Variants in CFAP47 observed in about 807,000 individuals in gnomAD.
CFAP47 encodes cilia- and flagella-associated protein 47.
Under a neutral mutation model 148.1 loss-of-function variants are expected in CFAP47, and 29 were observed. That is an observed-to-expected ratio of 0.20 (90% confidence interval 0.15 to 0.27). CFAP47 has a LOEUF of 0.27. CFAP47 is among the 10% of genes least tolerant of loss of function. CFAP47 has a pLI of 1.00. For missense variants in CFAP47, 1,872 were observed against 1,697.5 expected, an observed-to-expected ratio of 1.10 and a Z score of -1.81; for synonymous variants, 664 against 577.3, an observed-to-expected ratio of 1.15 and a Z score of -2.15.
At chrX:36,165,122 G>A (rs916306317) in intron 39 of CFAP47, among the ~76,000 whole-genome samples, 2 of 111,801 alleles carry the variant, frequency 1.8e-5, no homozygotes, top group Admixed American at 1.9e-4. Flanking sequence ...ACAGATGCAA[G>A]ACTTCCTCTT....
At chrX:36,325,565 A>C (rs1941511377) in intron 57 of CFAP47, among the ~76,000 whole-genome samples, 1 of 111,671 alleles carries the variant, frequency 9.0e-6, no homozygotes, top group Admixed American at 9.5e-5. Context: ...TGTATTAGGG[A>C]GTGCTCTGAG....
chrX:35,995,485 G>A (rs1234924513), intron 18 of CFAP47, among the ~76,000 whole-genome samples: 1 of 111,423 alleles, frequency 9.0e-6, no homozygotes, highest in Non-Finnish European at 1.9e-5. Context: ...AGAGGTCCAG[G>A]CAAGAGAAAC....
Position 36,032,288 on chromosome X carries a change from G to A in CFAP47, c.3651+941G>A, listed in dbSNP as rs182072812. Reference sequence around the variant, plus strand: ...GCATTCTCTCTTTTGAGGAGAAAGAGGGACATTGGCCCCATGGAGAAAAAA... The same window carrying A: ...GCATTCTCTCTTTTGAGGAGAAAGAAGGACATTGGCCCCATGGAGAAAAAA... On this transcript the variant is annotated intron_variant, in intron 23 of 63. Coordinates refer to ENST00000378653, the MANE Select transcript of CFAP47 (RefSeq NM_001304548.2). Among the ~76,000 whole-genome samples the A allele has an allele frequency of 2.5e-4, 28 of 109,894 alleles. No individual in the cohort carries two copies. In the East Asian group the frequency reaches 7.7e-3, roughly 30 times the overall value.
rs1941324039 is a variant in CFAP47 at position 36,303,929 on chromosome X, A to G, written c.8051A>G (p.Asn2684Ser). ...CAAGTAACAAACAGTAATCCTGAAA[A>G]TTTTGTCCTGGATATTAACAGAAAA... Reference protein sequence around the residue: ...KLQVTNSNPENFVLDINRKSQ... With the variant: ...KLQVTNSNPESFVLDINRKSQ... The change falls in exon 54 of 64, where the codon AAT becomes AGT. Residue 2684 changes from asparagine to serine, a missense_variant. Physicochemically the swap from Asn to Ser is conservative, Grantham distance 46. Coordinates refer to ENST00000378653, the MANE Select transcript of CFAP47 (RefSeq NM_001304548.2). 1 of 1,123,874 alleles carries G rather than the reference A, an allele frequency of 8.9e-7. No homozygotes were observed. The highest frequency in any genetic ancestry group is 1.8e-5 in the African/African-American group (1 of 54,408). 92.6% of individuals were successfully genotyped at this position (1,123,874 alleles called of 1,213,427 possible).
At chrX:36,363,463 C>T (rs782105154) in intron 61 of CFAP47, among the ~76,000 whole-genome samples, 2 of 111,347 alleles carry the variant, frequency 1.8e-5, no homozygotes, top group East Asian at 2.8e-4. Flanking sequence ...AGTAAACATA[C>T]AGTATTATAA....
Position 36,065,699 on chromosome X carries a change from A to G in CFAP47, c.4274A>G (p.Tyr1425Cys), listed in dbSNP as rs908330301. ...AENCILTIYP[Y>C]MAIHLDKQNI... ...AACTGCATTCTTACTATTTACCCAT[A>G]TATGGCAATTCATCTGGATAAGCAA... The change falls in exon 27 of 64, where the codon TAT becomes TGT. Residue 1425 changes from tyrosine to cysteine, a missense_variant. Physicochemically the swap from Tyr to Cys is radical, Grantham distance 194. Transcript: ENST00000378653. 5.0e-6 allele frequency: 6 copies of G among 1,193,835 alleles called. No individual in the cohort carries two copies. The African/African-American group carries it at 8.8e-5, about 17-fold the overall frequency.
intron 51 of CFAP47, among the ~76,000 whole-genome samples, chrX:36,287,152 A>C (rs1411163975): frequency 8.9e-6 from 1 of 112,157 alleles, no homozygotes; most frequent in Admixed American, 9.4e-5. Flanking sequence ...ATCTCTTTGA[A>C]TGAGAAATTT....
rs1162429176 is a variant in CFAP47 at position 36,010,489 on chromosome X, G to A, written c.3418-4285G>A. On this transcript the variant is annotated intron_variant, in intron 21 of 63. Transcript: ENST00000378653. ...TTTTTTTTTTTTGAGATGGAGTCTC[G>A]CTCTGTTGCCCAGGCTGGAGTGCAG... 2.9e-5 allele frequency among the ~76,000 whole-genome samples: 3 copies of A among 102,653 alleles called. No individual in the cohort carries two copies. In the East Asian group the frequency reaches 9.3e-4, roughly 32 times the overall value. The allele number at this position is 102,653 out of a possible 115,157, so 89.1% of individuals were successfully genotyped here. A position where few individuals can be genotyped will look rare whatever the true frequency, so the allele number is the denominator to read the frequency against.
intron 25 of CFAP47, among the ~76,000 whole-genome samples, chrX:36,041,242 A>C (rs1937400450): frequency 9.0e-6 from 1 of 111,373 alleles, no homozygotes; most frequent in Non-Finnish European, 1.9e-5. Context: ...AGTGAAGTTG[A>C]CAAGGAACAA....
At chrX:36,349,450 G>A (rs888930030) in intron 58 of CFAP47, among the ~76,000 whole-genome samples, 3 of 110,630 alleles carry the variant, frequency 2.7e-5, no homozygotes, top group Non-Finnish European at 3.8e-5. Context: ...TTTAGTAGAG[G>A]TGGGTTTTCA....
At position 36,220,792 on chromosome X, in the gene CFAP47, A is replaced by G. The variant is rs190773641; in HGVS notation, c.6818-7836A>G. Among the ~76,000 whole-genome samples the G allele has an allele frequency of 3.6e-5, 4 of 111,860 alleles. No individual in the cohort carries two copies. In the East Asian group the frequency reaches 1.1e-3, roughly 32 times the overall value. ...TAGATAGATAGGTCATAGTGAAACC[A>G]TAGAATGGCAAAGATAAGAGAAATT... On this transcript the variant is annotated intron_variant, in intron 45 of 63. Transcript: ENST00000378653.
intron 57 of CFAP47, among the ~76,000 whole-genome samples, chrX:36,322,175 A>G (rs143475332): frequency 0.016 from 1,820 of 111,196 alleles, 35 homozygotes; most frequent in African/African-American, 0.056. Context: ...TCATATATAT[A>G]CTTTTCCCTG....
intron 36 of CFAP47, among the ~76,000 whole-genome samples, chrX:36,147,029 C>T (rs1274976225): frequency 1.8e-5 from 2 of 110,621 alleles, no homozygotes; most frequent in Admixed American, 9.6e-5. Context: ...GTGATCCACC[C>T]GCCTCGGCCT....
intron 60 of CFAP47, among the ~76,000 whole-genome samples, chrX:36,360,874 T>A (rs1453360829): frequency 8.9e-6 from 1 of 112,308 alleles, no homozygotes; most frequent in Non-Finnish European, 1.9e-5. Flanking sequence ...TTGAAAATCC[T>A]GATCTAATAG....
At position 36,196,756 on chromosome X, in the gene CFAP47, T is replaced by C. The variant is rs781999192; in HGVS notation, c.6322-3623T>C. Among the ~76,000 whole-genome samples, 3 of 111,344 alleles carry C rather than the reference T, an allele frequency of 2.7e-5. No individual in the cohort carries two copies. The South Asian group carries it at 1.1e-3, about 41-fold the overall frequency. On this transcript the variant is annotated intron_variant, in intron 42 of 63. Coordinates refer to ENST00000378653, the MANE Select transcript of CFAP47 (RefSeq NM_001304548.2). ...TGAGCTTTGGCATCTTTCTGGAAAATACAATATATTTCTAATTAAGCATGC... is the reference window on the plus strand; with the variant it reads ...TGAGCTTTGGCATCTTTCTGGAAAACACAATATATTTCTAATTAAGCATGC...
intron 30 of CFAP47, among the ~76,000 whole-genome samples, chrX:36,093,285 T>G (rs532439359): frequency 9.0e-6 from 1 of 111,400 alleles, no homozygotes; most frequent in South Asian, 3.7e-4. Flanking sequence ...GCAAGGGGAT[T>G]GCTGGATTTT....
rs1270461013 is a variant in CFAP47, at chrX:36,000,312, T to C, written c.3207T>C (p.Ile1069=). 6.8e-6 allele frequency: 2 copies of C among 293,985 alleles called. No individual in the cohort carries two copies. The highest frequency in any genetic ancestry group is 1.2e-5 in the Non-Finnish European group (2 of 168,959). The allele number at this position is 293,985 out of a possible 1,213,427, so 24.2% of individuals were successfully genotyped here. A position where few individuals can be genotyped will look rare whatever the true frequency, so the allele number is the denominator to read the frequency against. ...PDVFNFSGAY[I]GGTQIIPFVI... is the part of the protein sequence containing the mutation. ...TATTTAATTTCAGTGGCGCCTATATTGGTGGTACCCAGATTATTCCATTTG... is the reference window on the plus strand; with the variant it reads ...TATTTAATTTCAGTGGCGCCTATATCGGTGGTACCCAGATTATTCCATTTG... Residue 1069 remains isoleucine, a synonymous_variant, in exon 20 of 64, where the codon ATT becomes ATC. Transcript: ENST00000378653.
intron 39 of CFAP47, among the ~76,000 whole-genome samples, chrX:36,171,225 A>C (rs1305657196): frequency 3.8e-5 from 4 of 105,937 alleles, no homozygotes; most frequent in Non-Finnish European, 3.9e-5. Context: ...AGGTTGCAAA[A>C]ATTTTCTCCC....
Position 36,240,306 on chromosome X carries a change from C to T in CFAP47, c.7332+3447C>T, listed in dbSNP as rs782639198. On this transcript the variant is annotated intron_variant, in intron 48 of 63. Transcript: ENST00000378653. ...GAAGCTGTCTCTAAGGGGACCTACA[C>T]GTTGAATTACTAGACTAAGACTTTA... 1.4e-4 allele frequency among the ~76,000 whole-genome samples: 16 copies of T among 111,738 alleles called. No homozygotes were observed. In the East Asian group the frequency reaches 4.2e-3, roughly 29 times the overall value.
Sources: gnomAD v4.1 joint callset for allele counts (sites outside exome capture counted in the v4.1 genomes callset) on GRCh38, gnomAD v4.1.1 for gene constraint, MANE v1.5 for transcripts, NCBI Gene and HGNC (gene_info 2026-07-23, HGNC 2026-07-21) for gene names.